The following SUCLA2 variants were observed in gnomAD, a reference collection of about 807,000 sequenced individuals.
The protein encoded by SUCLA2 is succinate-CoA ligase ADP-forming subunit beta.
A neutral mutation model predicts 54.8 loss-of-function variants in SUCLA2; 30 were observed. The ratio of observed to expected loss-of-function variants is 0.55; its 90% confidence interval spans 0.41 to 0.74. The LOEUF is 0.74. Ranked by LOEUF, SUCLA2 falls within the 30% of genes least tolerant of loss-of-function variation. SUCLA2 has a pLI of 0.00. For missense variants in SUCLA2, 476 were observed against 562.9 expected (o/e 0.85, Z 1.56); for synonymous variants, 172 against 188.9 (o/e 0.91, Z 0.74).
rs1169475172 is a variant in SUCLA2 at position 47,967,722 on chromosome 13, T to C, written c.802+873A>G. ...ATCCAGGCGCGGTGGTGCATGCCTGTAGTCCAAGCTACTTGGGAGGCTGAG... is the reference window on the plus strand; with the variant it reads ...ATCCAGGCGCGGTGGTGCATGCCTGCAGTCCAAGCTACTTGGGAGGCTGAG... On this transcript the variant is annotated intron_variant, in intron 6 of 10. Transcript: ENST00000646932. Among the ~76,000 whole-genome samples, 6 of 151,758 alleles carry C rather than the reference T, an allele frequency of 4.0e-5. No homozygotes were observed. The South Asian group carries it at 8.3e-4, about 21-fold the overall frequency.
intron 4 of SUCLA2, among the ~76,000 whole-genome samples, chr13:47,973,595 A>G (rs1341138495): frequency 6.6e-6 from 1 of 152,198 alleles, no homozygotes; most frequent in African/African-American, 2.4e-5. Context: ...ATAAAAAAGT[A>G]AAAAAAGAAG....
intron 6 of SUCLA2, among the ~76,000 whole-genome samples, chr13:47,961,838 T>C (rs78214989): frequency 0.096 from 14,604 of 152,206 alleles, 813 homozygotes; most frequent in South Asian, 0.18. Flanking sequence ...ACATCCACAA[T>C]TGATATATTG....
intron 2 of SUCLA2, among the ~76,000 whole-genome samples, chr13:47,990,065 G>A (rs982497780): frequency 2.0e-5 from 3 of 152,138 alleles, no homozygotes; most frequent in East Asian, 1.9e-4. Context: ...AAGAGTAAAT[G>A]GGCCCGGTGC....
At chr13:47,968,125 C>A (rs541789060) in intron 6 of SUCLA2, among the ~76,000 whole-genome samples, 165 of 152,250 alleles carry the variant, frequency 1.1e-3, no homozygotes, top group African/African-American at 3.9e-3. Context: ...AGCTCAATCA[C>A]CACCACACTG....
At chr13:47,964,324 G>C (rs545982273) in intron 6 of SUCLA2, among the ~76,000 whole-genome samples, 1 of 152,112 alleles carries the variant, frequency 6.6e-6, no homozygotes, top group Non-Finnish European at 1.5e-5. Flanking sequence ...GGAAAGAATT[G>C]GTAGACAATG....
intron 4 of SUCLA2, among the ~76,000 whole-genome samples, chr13:47,980,410 A>T (rs1007519914): frequency 6.6e-6 from 1 of 151,974 alleles, no homozygotes; most frequent in South Asian, 2.1e-4. Flanking sequence ...GTGAGACTCC[A>T]TCTCAAAAAA....
chr13:47,986,193 A>C (rs1003163837), intron 4 of SUCLA2, among the ~76,000 whole-genome samples: 1 of 151,642 alleles, frequency 6.6e-6, no homozygotes, highest in Admixed American at 6.6e-5. Context: ...ACCATGCCCA[A>C]CTAATTTTTT....
At chr13:47,982,629 T>C (rs1027000068) in intron 4 of SUCLA2, among the ~76,000 whole-genome samples, 1 of 152,100 alleles carries the variant, frequency 6.6e-6, no homozygotes, top group Non-Finnish European at 1.5e-5. Context: ...CTTCCTTCCT[T>C]CCTTCTTTCT....
intron 6 of SUCLA2, among the ~76,000 whole-genome samples, chr13:47,959,777 G>A (rs1238578324): frequency 5.3e-5 from 8 of 152,166 alleles, no homozygotes; most frequent in Non-Finnish European, 7.3e-5. Context: ...ACATTTCATA[G>A]TTAAAGCTCT....
rs1436995109 is a variant in SUCLA2, at chr13:47,973,289, C to T, written c.638G>A (p.Gly213Asp). The T allele has an allele frequency of 2.5e-6, 4 of 1,613,156 alleles. No individual in the cohort carries two copies. The highest frequency in any genetic ancestry group is 1.3e-5 in the African/African-American group (1 of 74,864). The change falls in exon 5 of 11, where the codon GGC becomes GAC. Residue 213 changes from glycine (G) to aspartate (D), a missense_variant. This residue lies in a region of SUCLA2 where 342 missense variants were observed against 444.2 expected (regional missense o/e 0.77). Transcript: ENST00000646932. Reference protein sequence around the residue: ...IIKEPIDIEEGIKKEQALQLA... With the variant: ...IIKEPIDIEEDIKKEQALQLA... ...CTGGAGAGCTTGTTCCTTTTTGATG[C>T]CTTCTTCAATATCAATAGGTTCTTT...
chr13:47,977,748 G>A (rs1307198093), intron 4 of SUCLA2, among the ~76,000 whole-genome samples: 2 of 151,940 alleles, frequency 1.3e-5, no homozygotes, highest in Admixed American at 6.6e-5. Context: ...ACTCAACAAA[G>A]ACTGAAGGAA....
chr13:47,999,436 G>A (rs560459233), intron 1 of SUCLA2, among the ~76,000 whole-genome samples: 5 of 152,262 alleles, frequency 3.3e-5, no homozygotes, highest in African/African-American at 9.6e-5. Flanking sequence ...GGCCGGGTGC[G>A]GTGGCTCAAG....
chr13:47,988,710 T>C lies in SUCLA2; in HGVS notation c.372-7A>G. On this transcript the variant is annotated splice_polypyrimidine_tract_variant and splice_region_variant and intron_variant, in intron 3 of 10. Transcript: ENST00000646932. Reference sequence around the variant, plus strand: ...AGCTTTTGCTTCTTCTGGACTAAAATAAGAAAAAGAACTCAAATTTTTCTT... The same window carrying C: ...AGCTTTTGCTTCTTCTGGACTAAAACAAGAAAAAGAACTCAAATTTTTCTT... 1.9e-6 allele frequency: 3 copies of C among 1,613,352 alleles called. No homozygotes were observed. Among genetic ancestry groups the C allele is most frequent in the Non-Finnish European group, 2.5e-6 (3 of 1,179,818 alleles).
At chr13:47,999,852 T>G (rs555201356) in intron 1 of SUCLA2, among the ~76,000 whole-genome samples, 2 of 152,192 alleles carry the variant, frequency 1.3e-5, no homozygotes, top group Non-Finnish European at 2.9e-5. Context: ...TAGAGCTGCA[T>G]TTCTTAATAC....
rs116883072 is a variant in SUCLA2 at position 47,946,884 on chromosome 13, C to A, written c.1317+2056G>T. ...AAAAAAATCTATACTCCTGGACTTG[C>A]ATTGAAAATATCAGTATGAACTCAA... On this transcript the variant is annotated intron_variant, in intron 10 of 10. Transcript: ENST00000646932. Among the ~76,000 whole-genome samples, 1,025 of 152,198 alleles carry A rather than the reference C, an allele frequency of 6.7e-3. 21 individuals carry two copies. Among genetic ancestry groups the A allele is most frequent in the Non-Finnish European group, 4.7e-3 (322 of 67,996 alleles).
chr13:47,949,635 T>G, intron 8 of SUCLA2, 32 bp from the exon 9 acceptor site: 2 of 1,609,552 alleles, frequency 1.2e-6, no homozygotes, highest in Non-Finnish European at 1.7e-6. Context: ...AGATTAAAAT[T>G]TAAAAGAAAT....
chr13:47,984,658 C>G (rs892322088), intron 4 of SUCLA2, among the ~76,000 whole-genome samples: 1 of 152,052 alleles, frequency 6.6e-6, no homozygotes, highest in African/African-American at 2.4e-5. Flanking sequence ...CACCTGTAAT[C>G]CCAGCTACTT....
chr13:47,963,958 T>C (rs1949894468), intron 6 of SUCLA2, among the ~76,000 whole-genome samples: 1 of 152,130 alleles, frequency 6.6e-6, no homozygotes, highest in African/African-American at 2.4e-5. Flanking sequence ...CTTGCTCAAA[T>C]AAAAATATGG....
intron 5 of SUCLA2, among the ~76,000 whole-genome samples, chr13:47,969,449 T>C (rs1338873099): frequency 6.6e-6 from 1 of 152,222 alleles, no homozygotes; most frequent in Non-Finnish European, 1.5e-5. Flanking sequence ...TAAAAGAGTT[T>C]ACAGTCTTGA....
Sources: gnomAD v4.1 joint callset for allele counts (sites outside exome capture counted in the v4.1 genomes callset) on GRCh38, gnomAD v4.1.1 for gene constraint, gnomAD v4.1.1 regional missense constraint, MANE v1.5 for transcripts, NCBI Gene and HGNC (gene_info 2026-07-23, HGNC 2026-07-21) for gene names.